The following TRAK1 variants were observed in gnomAD, a reference collection of about 807,000 sequenced individuals.
TRAK1 encodes the protein trafficking kinesin-binding protein 1.
In TRAK1, 33 loss-of-function variants were observed where a neutral mutation model predicts 92.1. The ratio of observed to expected loss-of-function variants is 0.36; its 90% CI spans 0.27 to 0.48. TRAK1 has a LOEUF of 0.48. Among genes scored for constraint, TRAK1 ranks in the 20% least tolerant of loss-of-function variants. The probability of loss-of-function intolerance (pLI) is 0.99; values close to 1 mark genes in which losing one functional copy is unlikely to be tolerated. For synonymous variants in TRAK1, 521 were observed against 517.3 expected, an observed-to-expected ratio of 1.01 and a Z score of -0.10; for missense variants, 1,123 against 1,257.9, an observed-to-expected ratio of 0.89 and a Z score of 1.62.
chr3:42,091,468 A>G lies in TRAK1; in HGVS notation c.-2A>G. 1 of 1,613,572 alleles carries G rather than the reference A, an allele frequency of 6.2e-7. No homozygotes were observed. The highest frequency in any genetic ancestry group is 8.5e-7 in the Non-Finnish European group (1 of 1,179,800). ...AAGTGCCTTTGGAGTTTATGTCTGC[A>G]CATGGCATTGGTTTTTCAATTCGGG... is the stretch of plus-strand genomic sequence containing the variant. On this transcript the variant is annotated 5_prime_UTR_variant, in exon 1 of 16. Transcript: ENST00000327628.
rs753282786 is a variant in TRAK1 at position 42,190,131 on chromosome 3, C to T, written c.690+1007C>T. Among the ~76,000 whole-genome samples, 56 of 152,284 alleles carry T rather than the reference C, an allele frequency of 3.7e-4. 1 individual carries two copies. Among genetic ancestry groups the T allele is most frequent in the Non-Finnish European group, 8.1e-4 (55 of 68,018 alleles). Reference sequence around the variant, plus strand: ...TTTCACCTTCACCCACTGCCCCTCTCTAGAAACACCGATAGGTGCAAATTT... The same window carrying T: ...TTTCACCTTCACCCACTGCCCCTCTTTAGAAACACCGATAGGTGCAAATTT... On this transcript the variant is annotated intron_variant, in intron 6 of 15. Transcript: ENST00000327628.
At chr3:42,172,624 C>T (rs1404757032) in intron 2 of TRAK1, among the ~76,000 whole-genome samples, 1 of 152,150 alleles carries the variant, frequency 6.6e-6, no homozygotes, top group Admixed American at 6.5e-5. Context: ...CTTCTTAAAG[C>T]TACTTGTCAG....
chr3:42,181,550 C>A (rs4682702), intron 3 of TRAK1, among the ~76,000 whole-genome samples: 116,876 of 152,114 alleles, frequency 0.77, 45,208 homozygotes, highest in East Asian at 0.99. Context: ...TATCAAAAAC[C>A]AACAAAAAAT....
chr3:42,158,606 T>A (rs1161084809), intron 2 of TRAK1, among the ~76,000 whole-genome samples: 2 of 148,862 alleles, frequency 1.3e-5, no homozygotes, highest in Non-Finnish European at 3.0e-5. Flanking sequence ...TAAGAACACA[T>A]CTTTAACATG....
upstream of TRAK1, among the ~76,000 whole-genome samples, chr3:42,086,793 T>C (rs1704699709): frequency 6.6e-6 from 1 of 152,178 alleles, no homozygotes; most frequent in Admixed American, 6.5e-5. Context: ...TGTGTATAAA[T>C]CCTGTAGGAA....
intron 1 of TRAK1, among the ~76,000 whole-genome samples, chr3:42,120,063 T>A (rs926440056): frequency 1.3e-5 from 2 of 152,010 alleles, no homozygotes; most frequent in East Asian, 1.9e-4. Flanking sequence ...AAAAAATAAA[T>A]AAATAAAAAG....
chr3:42,137,727 C>T (rs140410287), intron 2 of TRAK1, among the ~76,000 whole-genome samples: 5 of 152,192 alleles, frequency 3.3e-5, no homozygotes, highest in African/African-American at 7.2e-5. Context: ...GGTTGGGTAA[C>T]GCTGCTTTAT....
Position 42,223,903 on chromosome 3 carries a change from CT to C in TRAK1, c.*169del, listed in dbSNP as rs1353485179. The C allele has an allele frequency of 1.2e-6, 1 of 813,650 alleles. No homozygotes were observed. Among genetic ancestry groups the C allele is most frequent in the Admixed American group, 2.7e-5 (1 of 36,538 alleles). 50.4% of individuals were successfully genotyped at this position (813,650 alleles called of 1,614,324 possible). A position where few individuals can be genotyped will look rare whatever the true frequency, so the allele number is the denominator to read the frequency against. On this transcript the variant is annotated 3_prime_UTR_variant, in exon 16 of 16. Coordinates refer to ENST00000327628, the MANE Select transcript of TRAK1 (RefSeq NM_001042646.3). This position sits in a 1 kb window ranked among gnomAD's most constrained non-coding sequence, Gnocchi z 6.1. ...GTGCCTAATGGAGGAAGTGTGGAAACTTTGTAAAATGTGTACATAGGACTTG... is the reference window on the plus strand; with the variant it reads ...GTGCCTAATGGAGGAAGTGTGGAAACTTGTAAAATGTGTACATAGGACTTG...
chr3:42,150,630 A>G (rs749433307), intron 2 of TRAK1, among the ~76,000 whole-genome samples: 3 of 152,220 alleles, frequency 2.0e-5, no homozygotes, highest in Admixed American at 1.3e-4. Context: ...TGAATGATGT[A>G]ACAGGCTGGG....
At chr3:42,203,948 A>G in intron 13 of TRAK1, 5 of 985,830 alleles carry the variant, frequency 5.1e-6, no homozygotes, top group Non-Finnish European at 6.0e-6. Flanking sequence ...GCATGCTATA[A>G]GGTAAGGTTG....
chr3:42,100,850 G>T (rs1025460655), intron 1 of TRAK1, among the ~76,000 whole-genome samples: 8 of 151,750 alleles, frequency 5.3e-5, no homozygotes, highest in Non-Finnish European at 1.2e-4. Context: ...TGTATATTTA[G>T]TAGAGACAGG....
chr3:42,191,922 A>G (rs1173188075), intron 7 of TRAK1, among the ~76,000 whole-genome samples: 3 of 7,338 alleles, frequency 4.1e-4, no homozygotes, highest in African/African-American at 7.2e-4. Flanking sequence ...TTTTTTTGAG[A>G]CAGAGTCTCA....
chr3:42,159,738 T>C (rs1009514322), intron 2 of TRAK1, among the ~76,000 whole-genome samples: 1 of 152,204 alleles, frequency 6.6e-6, no homozygotes, highest in African/African-American at 2.4e-5. Flanking sequence ...TCCCTTTTGC[T>C]AGAAATTAGA....
chr3:42,102,864 AG>A (rs1361868272), intron 1 of TRAK1, among the ~76,000 whole-genome samples: 3 of 101,578 alleles, frequency 3.0e-5, no homozygotes, highest in Non-Finnish European at 6.8e-5. Context: ...CTGTCTGCCT[AG>A]GAAGAGTTCT....
intron 1 of TRAK1, among the ~76,000 whole-genome samples, chr3:42,116,969 G>C (rs1435260180): frequency 1.3e-5 from 2 of 152,130 alleles, no homozygotes; most frequent in African/African-American, 4.8e-5. Context: ...GTGCAGACTG[G>C]AGGCATGCAT....
chr3:42,055,305 T>A (rs1703156103), intron 1 of TRAK1, among the ~76,000 whole-genome samples: 1 of 152,150 alleles, frequency 6.6e-6, no homozygotes, highest in East Asian at 1.9e-4. Context: ...CCCGTAAAAC[T>A]CTCTCTCTTT....
chr3:42,164,102 A>C (rs982750256), intron 2 of TRAK1, among the ~76,000 whole-genome samples: 1 of 151,918 alleles, frequency 6.6e-6, no homozygotes, highest in Admixed American at 6.6e-5. Context: ...GCTGGGCAGG[A>C]CCCCATTTTT....
chr3:42,221,000 C>T (rs549959757), intron 15 of TRAK1, among the ~76,000 whole-genome samples: 1 of 151,100 alleles, frequency 6.6e-6, no homozygotes, highest in Non-Finnish European at 1.5e-5. Flanking sequence ...AGGACTCAAA[C>T]CAAACACAGG....
chr3:42,162,028 C>T (rs1218926942), intron 2 of TRAK1, among the ~76,000 whole-genome samples: 1 of 152,180 alleles, frequency 6.6e-6, no homozygotes, highest in Non-Finnish European at 1.5e-5. Flanking sequence ...ACCTTAGGCC[C>T]CAGCCCAGAC....
Sources: gnomAD v4.1 joint callset for allele counts (sites outside exome capture counted in the v4.1 genomes callset) on GRCh38, gnomAD v4.1.1 for gene constraint, Gnocchi (gnomAD v3.1) non-coding constraint, MANE v1.5 for transcripts, NCBI Gene and HGNC (gene_info 2026-07-23, HGNC 2026-07-21) for gene names.